The following SESN3 variants were observed in gnomAD, a reference collection of about 807,000 sequenced individuals.
SESN3 encodes the protein sestrin 3.
In SESN3, 21 loss-of-function variants were observed where a neutral mutation model predicts 55.3. That is an observed-to-expected ratio of 0.38 (90% CI 0.27 to 0.55). The LOEUF (loss-of-function observed/expected upper bound fraction) is 0.55. Among genes scored for constraint, SESN3 ranks in the 20% least tolerant of loss-of-function variants. The pLI is 0.76. For synonymous variants in SESN3, 181 were observed against 203.1 expected (o/e 0.89, Z 0.93); for missense variants, 408 against 604.3 (o/e 0.68, Z 3.41).
At chr11:95,224,572 TC>T in intron 1 of SESN3, 1 of 342,488 alleles carries the variant, frequency 2.9e-6, no homozygotes, top group South Asian at 2.2e-5. Flanking sequence ...TGTAAATCTT[TC>T]AAATACTGAC....
intron 6 of SESN3, among the ~76,000 whole-genome samples, chr11:95,179,413 C>T (rs974644965): frequency 6.6e-6 from 1 of 152,072 alleles, no homozygotes; most frequent in Admixed American, 6.5e-5. Flanking sequence ...CTTGGCCTCC[C>T]GAAGTGCAGC....
intron 1 of SESN3, among the ~76,000 whole-genome samples, chr11:95,194,452 C>A (rs925899508): frequency 2.0e-5 from 3 of 152,064 alleles, no homozygotes; most frequent in African/African-American, 7.2e-5. Flanking sequence ...TAATCAGATA[C>A]TGTGATAGAC....
intron 9 of SESN3, 95 bp from the exon 10 acceptor site, chr11:95,173,436 A>T: frequency 1.6e-5 from 10 of 626,582 alleles, no homozygotes; most frequent in Non-Finnish European, 2.7e-5. Context: ...GTATATAAGC[A>T]ATATACACAC....
chr11:95,180,063 A>G (rs1332956525), intron 6 of SESN3, among the ~76,000 whole-genome samples: 2 of 152,172 alleles, frequency 1.3e-5, no homozygotes, highest in Non-Finnish European at 2.9e-5. Flanking sequence ...AGCTTCATTT[A>G]CTAGCTTCTA....
At chr11:95,194,597 G>T (rs1860327457) in intron 1 of SESN3, among the ~76,000 whole-genome samples, 1 of 151,960 alleles carries the variant, frequency 6.6e-6, no homozygotes, top group African/African-American at 2.4e-5. Flanking sequence ...TAAAGTTTCA[G>T]AAATAACTTT....
chr11:95,196,290 T>A (rs577406472), intron 1 of SESN3, among the ~76,000 whole-genome samples: 10 of 152,282 alleles, frequency 6.6e-5, no homozygotes, highest in Non-Finnish European at 1.5e-4. Flanking sequence ...TGTCTATTCA[T>A]AGGAAGGTGA....
chr11:95,212,249 C>T (rs1386507891), intron 1 of SESN3, among the ~76,000 whole-genome samples: 1 of 152,048 alleles, frequency 6.6e-6, no homozygotes, highest in Non-Finnish European at 1.5e-5. Context: ...AGTGAAGATA[C>T]ATAATAATCT....
rs986512826 is a variant in SESN3, at chr11:95,227,409, T to C, written c.78+3374A>G. ...TTAGTAGATATGGGGTTTCACCATG[T>C]TGGCCAGGATGGTCTCGATCTTTTG... On this transcript the variant is annotated intron_variant, in intron 1 of 9. Coordinates refer to ENST00000536441, the MANE Select transcript of SESN3 (RefSeq NM_144665.4). Among the ~76,000 whole-genome samples, 5 of 152,302 alleles carry C rather than the reference T, an allele frequency of 3.3e-5. 1 individual carries two copies. The highest frequency in any genetic ancestry group is 3.3e-4 in the Admixed American group (5 of 15,302).
At chr11:95,215,739 T>C (rs1245666939) in intron 1 of SESN3, among the ~76,000 whole-genome samples, 1 of 152,218 alleles carries the variant, frequency 6.6e-6, no homozygotes, top group Non-Finnish European at 1.5e-5. Context: ...ACACATGCTC[T>C]AGAAAAGGTA....
intron 9 of SESN3, 125 bp downstream of exon 9, chr11:95,175,373 A>G: frequency 1.2e-6 from 1 of 835,758 alleles, no homozygotes; most frequent in South Asian, 2.2e-5. Flanking sequence ...CCAGATAGCT[A>G]GATGATGCCA....
At chr11:95,224,088 A>T (rs1860907443) in intron 1 of SESN3, among the ~76,000 whole-genome samples, 1 of 152,198 alleles carries the variant, frequency 6.6e-6, no homozygotes, top group African/African-American at 2.4e-5. Flanking sequence ...AAGACAGCTG[A>T]ATTTTCCCCA....
chr11:95,198,232 T>G (rs545847668), intron 1 of SESN3, among the ~76,000 whole-genome samples: 1 of 152,086 alleles, frequency 6.6e-6, no homozygotes, highest in Admixed American at 6.5e-5. Context: ...AATTCTAGAC[T>G]GTAGCTTACC....
intron 1 of SESN3, among the ~76,000 whole-genome samples, chr11:95,213,528 G>A (rs1449955872): frequency 6.6e-6 from 1 of 152,216 alleles, no homozygotes; most frequent in East Asian, 1.9e-4. Context: ...CTGCCTTTAA[G>A]TAAGTGTGGA....
chr11:95,173,064 T>C lies in SESN3; in HGVS notation c.*191A>G, dbSNP rs564398765. 8 of 461,694 alleles carry C rather than the reference T, an allele frequency of 1.7e-5. No homozygotes were observed. Among genetic ancestry groups the C allele is most frequent in the East Asian group, 5.8e-5 (2 of 34,634 alleles). The allele number at this position is 461,694 out of a possible 1,614,324, so 28.6% of individuals were successfully genotyped here. A position where few individuals can be genotyped will look rare whatever the true frequency, so the allele number is the denominator to read the frequency against. ...GTATTATTTTTGCAATTGTTAGTAATGTTAAGCATCAAGGAAAATAAAACA... is the reference window on the plus strand; with the variant it reads ...GTATTATTTTTGCAATTGTTAGTAACGTTAAGCATCAAGGAAAATAAAACA... On this transcript the variant is annotated 3_prime_UTR_variant, in exon 10 of 10. Coordinates refer to ENST00000536441, the MANE Select transcript of SESN3 (RefSeq NM_144665.4).
chr11:95,178,537 G>A (rs1860000767), intron 7 of SESN3, among the ~76,000 whole-genome samples, 173 bp downstream of exon 7: 1 of 152,152 alleles, frequency 6.6e-6, no homozygotes, highest in Non-Finnish European at 1.5e-5. Flanking sequence ...GAAAAATGTT[G>A]AAATAATTAT....
At chr11:95,201,615 G>A (rs1860462381) in intron 1 of SESN3, among the ~76,000 whole-genome samples, 1 of 151,968 alleles carries the variant, frequency 6.6e-6, no homozygotes, top group African/African-American at 2.4e-5. Context: ...GGTAGCTCTA[G>A]AACCCTGTAT....
intron 4 of SESN3, among the ~76,000 whole-genome samples, chr11:95,188,041 C>G (rs930234863): frequency 1.3e-4 from 20 of 151,222 alleles, no homozygotes; most frequent in African/African-American, 4.8e-4. Flanking sequence ...AATCACCTCT[C>G]AGGTGTAGTA....
intron 1 of SESN3, among the ~76,000 whole-genome samples, chr11:95,216,703 A>C (rs1466738846): frequency 6.6e-6 from 1 of 152,166 alleles, no homozygotes; most frequent in Non-Finnish European, 1.5e-5. Context: ...ATAATTAGTA[A>C]AGGAAGTAAG....
chr11:95,222,978 C>T (rs951181831), intron 1 of SESN3, among the ~76,000 whole-genome samples: 1 of 152,176 alleles, frequency 6.6e-6, no homozygotes, highest in Admixed American at 6.5e-5. Flanking sequence ...TCCCCGCCAT[C>T]TGTACTCCTA....
Sources: gnomAD v4.1 joint callset for allele counts (sites outside exome capture counted in the v4.1 genomes callset) on GRCh38, gnomAD v4.1.1 for gene constraint, MANE v1.5 for transcripts, NCBI Gene and HGNC (gene_info 2026-07-23, HGNC 2026-07-21) for gene names.